Variants in CTNNBIP1 observed in about 807,000 individuals in gnomAD.
The protein encoded by CTNNBIP1 is catenin beta interacting protein 1.
In CTNNBIP1, 7 loss-of-function variants were observed where a neutral mutation model predicts 11.8. The ratio of observed to expected loss-of-function variants is 0.60; its 90% CI spans 0.34 to 1.12. CTNNBIP1 has a LOEUF of 1.12. CTNNBIP1 is among the 50% of genes most tolerant of loss of function. The pLI, the probability that CTNNBIP1 is intolerant of heterozygous loss-of-function variation, is 0.03. For synonymous variants in CTNNBIP1, 58 were observed against 43.9 expected (o/e 1.32, Z -1.26); for missense variants, 101 against 113.4 (o/e 0.89, Z 0.50).
At chr1:9,908,981 CTT>C (rs1639676027) in intron 1 of CTNNBIP1, among the ~76,000 whole-genome samples, 1 of 152,210 alleles carries the variant, frequency 6.6e-6, no homozygotes, top group Non-Finnish European at 1.5e-5. Flanking sequence ...CAGCCCGCAC[CTT>C]TATTTATGAT....
Position 9,851,266 on chromosome 1 carries a change from T to C in CTNNBIP1, c.188-490A>G, listed in dbSNP as rs182221355. Among the ~76,000 whole-genome samples, 12 of 152,290 alleles carry C rather than the reference T, an allele frequency of 7.9e-5. No homozygotes were observed. The highest frequency in any genetic ancestry group is 2.9e-4 in the African/African-American group (12 of 41,534). On this transcript the variant is annotated intron_variant, in intron 5 of 5. Transcript: ENST00000377263. This position sits in a 1 kb window ranked among gnomAD's most constrained non-coding sequence, Gnocchi z 4.8. ...CTCCTTCACCCAAACCCAACACCTC[T>C]TCCAAGAAGTATGGCCGGGCCCACG...
rs148528955 is a variant in CTNNBIP1, at chr1:9,862,150, C to G, written c.187+9037G>C. 9.2e-5 allele frequency among the ~76,000 whole-genome samples: 14 copies of G among 152,258 alleles called. No homozygotes were observed. The East Asian group carries it at 2.7e-3, about 29-fold the overall frequency. ...TCCTTGGTTCCCCAAAATATAAGCT[C>G]TCATAGACCAGGGAGCTTTGATTGC... On this transcript the variant is annotated intron_variant, in intron 5 of 5. Transcript: ENST00000377263.
At position 9,905,247 on chromosome 1, in the gene CTNNBIP1, C is replaced by T. The variant is rs147012273; in HGVS notation, c.-144+4848G>A. ...TGCTGATTCATCACTAACCACACTC[C>T]AGCCCCTCTGGGTTGATCATTCTTG... On this transcript the variant is annotated intron_variant, in intron 1 of 5. Coordinates refer to ENST00000377263, the MANE Select transcript of CTNNBIP1 (RefSeq NM_020248.3). Among the ~76,000 whole-genome samples, 196 of 152,302 alleles carry T rather than the reference C, an allele frequency of 1.3e-3. 1 individual carries two copies. The highest frequency in any genetic ancestry group is 4.4e-3 in the African/African-American group (185 of 41,578).
intron 1 of CTNNBIP1, among the ~76,000 whole-genome samples, chr1:9,907,146 G>C (rs1332208020): frequency 6.6e-6 from 1 of 152,080 alleles, no homozygotes; most frequent in Non-Finnish European, 1.5e-5. Flanking sequence ...ATGGAGATAA[G>C]TTTTATTCTG....
intron 1 of CTNNBIP1, among the ~76,000 whole-genome samples, chr1:9,897,323 G>A (rs1411830064): frequency 4.6e-5 from 7 of 151,046 alleles, no homozygotes; most frequent in East Asian, 2.0e-4. Context: ...ATGTGGTGGC[G>A]GGTGCCTGTA....
chr1:9,888,296 T>C (rs1639227079), intron 1 of CTNNBIP1, among the ~76,000 whole-genome samples: 1 of 151,186 alleles, frequency 6.6e-6, no homozygotes. Context: ...AAGCTGGGCA[T>C]GGTGGCCGGG....
At chr1:9,854,070 A>G (rs1638449552) in intron 5 of CTNNBIP1, among the ~76,000 whole-genome samples, 2 of 152,222 alleles carry the variant, frequency 1.3e-5, no homozygotes, top group African/African-American at 4.8e-5. Flanking sequence ...GATGAAATCC[A>G]ACATAATAAA....
At chr1:9,881,329 A>ATTT (rs60318288) in intron 2 of CTNNBIP1, among the ~76,000 whole-genome samples, 2 of 49,488 alleles carry the variant, frequency 4.0e-5, no homozygotes, top group African/African-American at 1.3e-4. Flanking sequence ...CAGCCTTGAA[A>ATTT]TTTTTTTTTT....
chr1:9,853,187 G>A (rs1638427936), intron 5 of CTNNBIP1, among the ~76,000 whole-genome samples: 1 of 152,208 alleles, frequency 6.6e-6, no homozygotes, highest in Non-Finnish European at 1.5e-5. Context: ...CGGCCTGTCT[G>A]TGCTCTCTTC....
intron 1 of CTNNBIP1, among the ~76,000 whole-genome samples, chr1:9,886,426 C>T (rs1425366359): frequency 2.0e-5 from 3 of 152,174 alleles, no homozygotes; most frequent in African/African-American, 7.2e-5. Flanking sequence ...CCATGTGTCC[C>T]GTAGGGGACA....
chr1:9,865,464 C>T (rs1354511882), intron 5 of CTNNBIP1, among the ~76,000 whole-genome samples: 3 of 151,726 alleles, frequency 2.0e-5, no homozygotes, highest in Admixed American at 6.6e-5. Context: ...ATTAGCCAGG[C>T]GTGGTGGCGG....
At chr1:9,884,664 C>G (rs537405653) in intron 1 of CTNNBIP1, among the ~76,000 whole-genome samples, 1 of 152,208 alleles carries the variant, frequency 6.6e-6, no homozygotes, top group South Asian at 2.1e-4. Flanking sequence ...AAAAACCAGC[C>G]CCAAATGCGT....
At chr1:9,905,314 C>T (rs1639595668) in intron 1 of CTNNBIP1, among the ~76,000 whole-genome samples, 1 of 152,204 alleles carries the variant, frequency 6.6e-6, no homozygotes. Context: ...AGATCACCAT[C>T]CATGTCTCCC....
chr1:9,864,381 T>G (rs945116449), intron 5 of CTNNBIP1, among the ~76,000 whole-genome samples: 5 of 152,128 alleles, frequency 3.3e-5, no homozygotes, highest in Non-Finnish European at 5.9e-5. Context: ...CAGGCTGGAG[T>G]GCAGTGGCGC....
In CTNNBIP1 at chr1:9,855,585, G is replaced by A. The variant is rs138975791; in HGVS notation, c.188-4809C>T. 2.0e-3 allele frequency among the ~76,000 whole-genome samples: 301 copies of A among 152,224 alleles called. 2 individuals are homozygous for A. Among genetic ancestry groups the A allele is most frequent in the African/African-American group, 6.7e-3 (277 of 41,536 alleles). ...GACAACTGGATATTCACATGCACAG[G>A]ATGAAATTGGACTCTTACCTTGCAG... On this transcript the variant is annotated intron_variant, in intron 5 of 5. Transcript: ENST00000377263.
chr1:9,854,041 C>A (rs1638449091), intron 5 of CTNNBIP1, among the ~76,000 whole-genome samples: 1 of 152,070 alleles, frequency 6.6e-6, no homozygotes, highest in African/African-American at 2.4e-5. Flanking sequence ...AGGACAAAAA[C>A]CATACAGGAA....
intron 5 of CTNNBIP1, among the ~76,000 whole-genome samples, chr1:9,854,976 C>G (rs1638471836): frequency 6.6e-6 from 1 of 151,876 alleles, no homozygotes; most frequent in Non-Finnish European, 1.5e-5. Context: ...TGCACCTGGC[C>G]CACTAAAAAA....
chr1:9,882,427 C>T (rs888604745), intron 2 of CTNNBIP1, among the ~76,000 whole-genome samples: 1 of 152,070 alleles, frequency 6.6e-6, no homozygotes, highest in African/African-American at 2.4e-5. Context: ...TGAGTCGCCT[C>T]GGGGATGTGC....
In CTNNBIP1 at chr1:9,872,001, C is replaced by T. The variant is rs774094632; in HGVS notation, c.64G>A (p.Val22Met). 1.2e-6 allele frequency: 2 copies of T among 1,614,198 alleles called. No individual in the cohort carries two copies. Among genetic ancestry groups the T allele is most frequent in the Admixed American group, 1.7e-5 (1 of 60,028 alleles). ...CCCATCTTCCGCAGCATGAGCAGCACTCGGACCTTCTGCTGAATGTACATC... is the reference window on the plus strand; with the variant it reads ...CCCATCTTCCGCAGCATGAGCAGCATTCGGACCTTCTGCTGAATGTACATC... ...EEMYIQQKVR[V>M]LLMLRKMGSN... The change falls in exon 4 of 6, where the codon GTG (valine) becomes ATG (methionine). Residue 22 changes from valine to methionine, a missense_variant. Physicochemically the swap from Val to Met is conservative, Grantham distance 21. Transcript: ENST00000377263. The surrounding 1 kb of genome is among the most constrained non-coding windows in gnomAD (Gnocchi z 4.0).
Sources: gnomAD v4.1 joint callset for allele counts (sites outside exome capture counted in the v4.1 genomes callset) on GRCh38, gnomAD v4.1.1 for gene constraint, Gnocchi (gnomAD v3.1) non-coding constraint, MANE v1.5 for transcripts, NCBI Gene and HGNC (gene_info 2026-07-23, HGNC 2026-07-21) for gene names.